Variants in HEBP2 observed in about 807,000 individuals in gnomAD.
HEBP2 encodes the protein heme-binding protein 2.
Under a neutral mutation model 23.1 loss-of-function variants are expected in HEBP2, and 27 were observed. The observed-to-expected ratio is 1.17, with a 90% CI of 0.86 to 1.61. The LOEUF is 1.61. Ranked by LOEUF, HEBP2 falls within the 40% of genes most tolerant of loss-of-function variation. The pLI, the probability that HEBP2 is intolerant of heterozygous loss-of-function variation, is 0.00. For synonymous variants in HEBP2, 99 were observed against 95.1 expected (o/e 1.04, Z -0.24); for missense variants, 245 against 253.8 (o/e 0.97, Z 0.24).
Position 138,418,760 on chromosome 6 carries a change from C to A in HEBP2, c.*5682C>A, listed in dbSNP as rs1774875248. 2 of 152,190 alleles carry A rather than the reference C, an allele frequency of 1.3e-5. No homozygotes were observed. Among genetic ancestry groups the A allele is most frequent in the Admixed American group, 1.3e-4 (2 of 15,290 alleles). 9.4% of individuals were successfully genotyped at this position (152,190 alleles called of 1,614,324 possible). A position where few individuals can be genotyped will look rare whatever the true frequency, so the allele number is the denominator to read the frequency against. On this transcript the variant is annotated 3_prime_UTR_variant, in exon 4 of 4. Transcript: ENST00000607197. The stretch of plus-strand genomic sequence containing the variant: ...TCTGTAGTTGCAAGCTGAAAATGGA[C>A]CTTCACTCAAAGGTGACATTGAAAA...
Position 138,416,718 on chromosome 6 carries a change from T to G in HEBP2, c.*3640T>G, listed in dbSNP as rs1216617624. On this transcript the variant is annotated 3_prime_UTR_variant, in exon 4 of 4. Transcript: ENST00000607197. ...GACCTGTAAAGTCTCATGGAAATAG[T>G]TGGTAGAACAAGGCATTCCTAGGGA... 6.6e-6 allele frequency: 1 copy of G among 152,210 alleles called. No homozygotes were observed. 9.4% of individuals were successfully genotyped at this position (152,210 alleles called of 1,614,324 possible). A position where few individuals can be genotyped will look rare whatever the true frequency, so the allele number is the denominator to read the frequency against.
intron 3 of HEBP2, chr6:138,412,010 T>C (rs1774754350): frequency 2.3e-6 from 1 of 431,336 alleles, no homozygotes; most frequent in African/African-American, 2.1e-5. Flanking sequence ...ATCTCTTCCA[T>C]TGGATCATAA....
intron 3 of HEBP2, among the ~76,000 whole-genome samples, chr6:138,409,932 A>G (rs1473967419): frequency 6.6e-6 from 1 of 152,200 alleles, no homozygotes; most frequent in East Asian, 1.9e-4. Context: ...TTACTATCTC[A>G]TAGGGTTGCC....
chr6:138,408,279 C>T (rs910480016), intron 3 of HEBP2, among the ~76,000 whole-genome samples: 3 of 152,214 alleles, frequency 2.0e-5, no homozygotes, highest in African/African-American at 7.2e-5. Context: ...TTTAAATTCT[C>T]TCTTCTTGTA....
intron 3 of HEBP2, among the ~76,000 whole-genome samples, chr6:138,409,035 C>A (rs1036091308): frequency 4.1e-5 from 6 of 146,756 alleles, no homozygotes; most frequent in African/African-American, 7.5e-5. Flanking sequence ...TTTTTTTTTT[C>A]TTTTTTTCTG....
chr6:138,406,132 G>C lies in HEBP2; in HGVS notation c.400G>C (p.Glu134Gln). 6.2e-7 allele frequency: 1 copy of C among 1,613,830 alleles called. No homozygotes were observed. Among genetic ancestry groups the C allele is most frequent in the Non-Finnish European group, 8.5e-7 (1 of 1,179,884 alleles). ...ESDVFIEDRAEMTVFVRSFDG... is the reference protein window; with the variant it reads ...ESDVFIEDRAQMTVFVRSFDG... The stretch of plus-strand genomic sequence containing the variant: ...AGATGTCTTCATTGAAGATAGAGCC[G>C]AAATGACTGTGTTTGTACGGTAAGT... The change falls in exon 3 of 4, where the codon GAA becomes CAA. Residue 134 changes from glutamate to glutamine, a missense_variant. Glu to Gln is a conservative substitution (Grantham distance 29). Transcript: ENST00000607197.
chr6:138,404,610 T>C lies in HEBP2; in HGVS notation c.102+13T>C. 1.3e-5 allele frequency: 16 copies of C among 1,266,330 alleles called. No individual in the cohort carries two copies. The highest frequency in any genetic ancestry group is 1.5e-5 in the Non-Finnish European group (15 of 1,004,312). The allele number at this position is 1,266,330 out of a possible 1,614,324, so 78.4% of individuals were successfully genotyped here. ...CGCCGGCCCCCAGGTAGGCGCCGACTCGGGAGCGGAGGGGCTGGGCCCGCC... is the reference window on the plus strand; with the variant it reads ...CGCCGGCCCCCAGGTAGGCGCCGACCCGGGAGCGGAGGGGCTGGGCCCGCC... On this transcript the variant is annotated intron_variant, in intron 1 of 3. Coordinates refer to ENST00000607197, the MANE Select transcript of HEBP2 (RefSeq NM_014320.3).
chr6:138,417,810 G>C lies in HEBP2; in HGVS notation c.*4732G>C, dbSNP rs1488054789. On this transcript the variant is annotated 3_prime_UTR_variant, in exon 4 of 4. Transcript: ENST00000607197. ...CCAAGAAATGAGTAACTGGAAATTAGTAGAGCAAATAATTTACAGATCATC... is the reference window on the plus strand; with the variant it reads ...CCAAGAAATGAGTAACTGGAAATTACTAGAGCAAATAATTTACAGATCATC... 1 of 152,218 alleles carries C rather than the reference G, an allele frequency of 6.6e-6. No individual in the cohort carries two copies. Among genetic ancestry groups the C allele is most frequent in the Non-Finnish European group, 1.5e-5 (1 of 68,040 alleles). The allele number at this position is 152,218 out of a possible 1,614,324, so 9.4% of individuals were successfully genotyped here. A position where few individuals can be genotyped will look rare whatever the true frequency, so the allele number is the denominator to read the frequency against.
rs969355608 is a variant in HEBP2 at position 138,404,363 on chromosome 6, C to G, written c.-133C>G. ...ATCGGGTGGGCTCGGGTCTCCAGCC[C>G]GGCCGGGAGGAGGGACCGGGTCTGC... is the stretch of plus-strand genomic sequence containing the variant. On this transcript the variant is annotated 5_prime_UTR_variant, in exon 1 of 4. Coordinates refer to ENST00000607197, the MANE Select transcript of HEBP2 (RefSeq NM_014320.3). 9.4e-5 allele frequency: 49 copies of G among 521,830 alleles called. No homozygotes were observed. Among genetic ancestry groups the G allele is most frequent in the African/African-American group, 7.8e-4 (39 of 49,774 alleles). 32.3% of individuals were successfully genotyped at this position (521,830 alleles called of 1,614,324 possible).
intron 2 of HEBP2, 39 bp from the exon 3 acceptor site, chr6:138,405,932 C>G (rs1304326346): frequency 6.4e-7 from 1 of 1,560,860 alleles, no homozygotes; most frequent in African/African-American, 1.4e-5. Context: ...TTAAAGCTGT[C>G]AAAAATACAC....
intron 3 of HEBP2, among the ~76,000 whole-genome samples, chr6:138,409,538 T>C (rs1774708616): frequency 6.6e-6 from 1 of 152,218 alleles, no homozygotes; most frequent in Non-Finnish European, 1.5e-5. Context: ...CAATAGATAC[T>C]GGGATGTTGA....
Position 138,416,416 on chromosome 6 carries a change from A to G in HEBP2, c.*3338A>G, listed in dbSNP as rs113977211. The stretch of plus-strand genomic sequence containing the variant: ...ATGAGGCAAGGTGACCCATCAGACA[A>G]TTATGTTCCACGGGAAGGCCCAGGG... On this transcript the variant is annotated 3_prime_UTR_variant, in exon 4 of 4. Transcript: ENST00000607197. 0.016 allele frequency: 2,437 copies of G among 152,480 alleles called. 47 individuals are homozygous for G. The highest frequency in any genetic ancestry group is 0.05 in the African/African-American group (2,062 of 41,570). The allele number at this position is 152,480 out of a possible 1,614,324, so 9.4% of individuals were successfully genotyped here. A position where few individuals can be genotyped will look rare whatever the true frequency, so the allele number is the denominator to read the frequency against.
At position 138,404,448 on chromosome 6, in the gene HEBP2, C is replaced by T; in HGVS notation, c.-48C>T. On this transcript the variant is annotated 5_prime_UTR_variant, in exon 1 of 4. Transcript: ENST00000607197. ...CACGCAGGCGGGGCGGCCCGGGGTG[C>T]GGGGCCTCTGCGCGGCTGACCAGGC... The T allele has an allele frequency of 8.4e-7, 1 of 1,185,734 alleles. No homozygotes were observed. Among genetic ancestry groups the T allele is most frequent in the Non-Finnish European group, 1.1e-6 (1 of 945,956 alleles). 73.5% of individuals were successfully genotyped at this position (1,185,734 alleles called of 1,614,324 possible). A position where few individuals can be genotyped will look rare whatever the true frequency, so the allele number is the denominator to read the frequency against.
chr6:138,412,419 G>A (rs888071268), intron 3 of HEBP2, among the ~76,000 whole-genome samples: 7 of 152,210 alleles, frequency 4.6e-5, no homozygotes, highest in Admixed American at 2.6e-4. Flanking sequence ...ACAGGCAGGA[G>A]TGGTCAGTTC....
chr6:138,412,875 T>G lies in HEBP2; in HGVS notation c.420-5T>G, dbSNP rs1425705189. The G allele has an allele frequency of 1.2e-6, 2 of 1,610,724 alleles. No individual in the cohort carries two copies. Among genetic ancestry groups the G allele is most frequent in the Admixed American group, 3.3e-5 (2 of 59,980 alleles). ...ATTCACGGTTATTTCCTTTCTCCTTTGTAGGTCTTTCGATGGATTTTCTAG... is the reference window on the plus strand; with the variant it reads ...ATTCACGGTTATTTCCTTTCTCCTTGGTAGGTCTTTCGATGGATTTTCTAG... On this transcript the variant is annotated splice_polypyrimidine_tract_variant and splice_region_variant and intron_variant, in intron 3 of 3. Coordinates refer to ENST00000607197, the MANE Select transcript of HEBP2 (RefSeq NM_014320.3).
At position 138,421,997 on chromosome 6, in the gene HEBP2, T is replaced by G. The variant is rs1258361978; in HGVS notation, c.*8919T>G. On this transcript the variant is annotated 3_prime_UTR_variant, in exon 4 of 4. Coordinates refer to ENST00000607197, the MANE Select transcript of HEBP2 (RefSeq NM_014320.3). ...TTCTGTATAAGAACACCTATCTCAT[T>G]ATTCAAAAAAAATGCATGTATAAAC... 1 of 152,132 alleles carries G rather than the reference T, an allele frequency of 6.6e-6. No homozygotes were observed. Among genetic ancestry groups the G allele is most frequent in the East Asian group, 1.9e-4 (1 of 5,200 alleles). 9.4% of individuals were successfully genotyped at this position (152,132 alleles called of 1,614,324 possible).
rs143522831 is a variant in HEBP2 at position 138,405,116 on chromosome 6, T to G, written c.103-29T>G. On this transcript the variant is annotated intron_variant, in intron 1 of 3. Coordinates refer to ENST00000607197, the MANE Select transcript of HEBP2 (RefSeq NM_014320.3). ...CTCACTCCTACCCTCTTAGAATTGC[T>G]TCTCGAAGTTTTCTCTGTTCCACTT... is the stretch of plus-strand genomic sequence containing the variant. 532 of 1,603,710 alleles carry G rather than the reference T, an allele frequency of 3.3e-4. 3 individuals are homozygous for G. The African/African-American group carries it at 6.4e-3, about 19-fold the overall frequency.
At chr6:138,406,366 C>T (rs1384588916) in intron 3 of HEBP2, among the ~76,000 whole-genome samples, 1 of 152,182 alleles carries the variant, frequency 6.6e-6, no homozygotes, top group Non-Finnish European at 1.5e-5. Context: ...ATTGCATGCC[C>T]TTCATATAAG....
chr6:138,409,995 G>C (rs1044467961), intron 3 of HEBP2, among the ~76,000 whole-genome samples: 1 of 152,160 alleles, frequency 6.6e-6, no homozygotes, highest in Non-Finnish European at 1.5e-5. Flanking sequence ...TGAGCATCAA[G>C]CATTCCTAGC....
Sources: allele counts gnomAD v4.1 joint callset (sites outside exome capture counted in the v4.1 genomes callset), GRCh38; gene constraint gnomAD v4.1.1; transcripts MANE v1.5; gene names NCBI Gene and HGNC (gene_info 2026-07-23, HGNC 2026-07-21).